The following SCAPER variants were observed in gnomAD, a reference collection of about 807,000 sequenced individuals.
The protein encoded by SCAPER is S-phase cyclin A associated protein in the ER.
SCAPER carries 98 observed loss-of-function variants against 182.2 expected under a neutral mutation model. That is an observed-to-expected ratio of 0.54 (90% CI 0.46 to 0.64). SCAPER has a LOEUF of 0.64. Among genes scored for constraint, SCAPER ranks in the 30% least tolerant of loss-of-function variants. The pLI, the probability that SCAPER is intolerant of heterozygous loss-of-function variation, is 0.00. For synonymous variants in SCAPER, 605 were observed against 564.6 expected, an observed-to-expected ratio of 1.07 and a Z score of -1.01; for missense variants, 1,432 against 1,690.0, an observed-to-expected ratio of 0.85 and a Z score of 2.68.
intron 26 of SCAPER, among the ~76,000 whole-genome samples, chr15:76,426,343 C>T (rs1417445497): frequency 2.0e-5 from 3 of 152,208 alleles, no homozygotes; most frequent in African/African-American, 7.2e-5. Context: ...TGCTGCCTTG[C>T]AGATTGATCT....
chr15:76,627,648 A>G (rs2052709728), intron 21 of SCAPER, among the ~76,000 whole-genome samples: 1 of 152,194 alleles, frequency 6.6e-6, no homozygotes, highest in African/African-American at 2.4e-5. Flanking sequence ...GCTGCATAGT[A>G]TTCCATGGTG....
chr15:76,873,268 A>G (rs1188242395), intron 2 of SCAPER, among the ~76,000 whole-genome samples: 1 of 149,772 alleles, frequency 6.7e-6, no homozygotes, highest in African/African-American at 2.5e-5. Flanking sequence ...AGAAAAAAAG[A>G]AAGGAAAAGG....
rs1598422450 is a variant in SCAPER, at chr15:76,733,259, T to C, written c.1992A>G (p.Glu664=). The change falls in exon 16 of 32, where the codon GAA becomes GAG. Residue 664 remains glutamate (E), a synonymous_variant. Coordinates refer to ENST00000563290, the MANE Select transcript of SCAPER (RefSeq NM_020843.4). ...ELQEERQRRQ[E]EKQARDEAVQ... is the part of the protein sequence containing the mutation. ...CAGCTTCATCACGTGCTTGCTTTTCTTCCTGTCTTCTCTGACGCTCTTCCT... is the reference window on the plus strand; with the variant it reads ...CAGCTTCATCACGTGCTTGCTTTTCCTCCTGTCTTCTCTGACGCTCTTCCT... The C allele has an allele frequency of 1.3e-6, 2 of 1,591,468 alleles. No homozygotes were observed. The highest frequency in any genetic ancestry group is 2.3e-5 in the East Asian group (1 of 44,136).
At chr15:76,601,895 T>C (rs140242771) in intron 22 of SCAPER, among the ~76,000 whole-genome samples, 1 of 121,524 alleles carries the variant, frequency 8.2e-6, no homozygotes, top group Non-Finnish European at 2.0e-5. Flanking sequence ...AGGAACCCCA[T>C]GTAAAGCAAA....
At chr15:76,470,146 T>C (rs755680757) in intron 25 of SCAPER, among the ~76,000 whole-genome samples, 1 of 152,166 alleles carries the variant, frequency 6.6e-6, no homozygotes. Context: ...TCAAAATTCA[T>C]TTATTCACCC....
At chr15:76,605,581 T>C (rs1457407190) in intron 22 of SCAPER, among the ~76,000 whole-genome samples, 1 of 152,214 alleles carries the variant, frequency 6.6e-6, no homozygotes, top group Non-Finnish European at 1.5e-5. Context: ...TTGATTGCAG[T>C]AGTTTCAGAA....
intron 22 of SCAPER, among the ~76,000 whole-genome samples, chr15:76,620,282 G>A (rs2051905626): frequency 6.6e-6 from 1 of 152,126 alleles, no homozygotes; most frequent in Non-Finnish European, 1.5e-5. Flanking sequence ...TGTCAGGAAT[G>A]AGTTAGCACA....
intron 21 of SCAPER, among the ~76,000 whole-genome samples, chr15:76,626,252 G>A (rs138678124): frequency 6.3e-4 from 95 of 151,976 alleles, no homozygotes; most frequent in Non-Finnish European, 1.1e-3. Context: ...TCAACCATCC[G>A]GAAGCACCTC....
chr15:76,439,591 G>C (rs140602910), intron 25 of SCAPER, among the ~76,000 whole-genome samples: 26 of 152,310 alleles, frequency 1.7e-4, no homozygotes, highest in African/African-American at 5.8e-4. Flanking sequence ...AGCAACACTT[G>C]AGTTTGAACT....
chr15:76,481,102 C>T (rs2051100555), intron 24 of SCAPER, among the ~76,000 whole-genome samples: 1 of 152,016 alleles, frequency 6.6e-6, no homozygotes. Flanking sequence ...ATTCTCAGCA[C>T]CAGAGAAATA....
intron 5 of SCAPER, among the ~76,000 whole-genome samples, chr15:76,837,515 T>A (rs909546897): frequency 6.6e-6 from 1 of 152,138 alleles, no homozygotes. Flanking sequence ...TCATGAGAAC[T>A]CACTCACTAT....
intron 16 of SCAPER, among the ~76,000 whole-genome samples, chr15:76,731,110 T>C (rs566011837): frequency 9.2e-5 from 14 of 152,296 alleles, no homozygotes; most frequent in Admixed American, 2.0e-4. Flanking sequence ...TCTAAATATC[T>C]GTTTAATAAA....
intron 23 of SCAPER, among the ~76,000 whole-genome samples, chr15:76,563,817 T>C (rs2046827411): frequency 6.6e-6 from 1 of 152,158 alleles, no homozygotes; most frequent in South Asian, 2.1e-4. Context: ...TCCACCATGA[T>C]GAAGTAGGTC....
At chr15:76,684,017 C>T (rs561437406) in intron 20 of SCAPER, among the ~76,000 whole-genome samples, 86 of 151,948 alleles carry the variant, frequency 5.7e-4, no homozygotes, top group Non-Finnish European at 8.5e-4. Flanking sequence ...CAAACAAATG[C>T]TAAGGGAATT....
At chr15:76,508,722 G>T (rs2436994) in intron 23 of SCAPER, among the ~76,000 whole-genome samples, 2 of 151,828 alleles carry the variant, frequency 1.3e-5, no homozygotes, top group Non-Finnish European at 2.9e-5. Flanking sequence ...TCTTATAATA[G>T]GGTGAAAGGC....
Position 76,705,084 on chromosome 15 carries a change from G to A in SCAPER, c.2247+819C>T, listed in dbSNP as rs575969123. ...GGACTATAAATCATGCCGCTATAAA[G>A]ACACATGCACACATATGTTTATTGC... On this transcript the variant is annotated intron_variant, in intron 18 of 31. Coordinates refer to ENST00000563290, the MANE Select transcript of SCAPER (RefSeq NM_020843.4). 1.1e-3 allele frequency among the ~76,000 whole-genome samples: 173 copies of A among 152,160 alleles called. 2 individuals are homozygous for A. Among genetic ancestry groups the A allele is most frequent in the African/African-American group, 4.0e-3 (164 of 41,512 alleles).
intron 17 of SCAPER, among the ~76,000 whole-genome samples, chr15:76,714,505 A>T (rs1031394907): frequency 6.6e-6 from 1 of 151,154 alleles, no homozygotes; most frequent in African/African-American, 2.5e-5. Flanking sequence ...CAGTGTAAAA[A>T]ATGTGATTAC....
chr15:76,801,133 T>G (rs1393686839), intron 6 of SCAPER, among the ~76,000 whole-genome samples: 1 of 152,238 alleles, frequency 6.6e-6, no homozygotes, highest in East Asian at 1.9e-4. Flanking sequence ...GAAACTGAAC[T>G]TTTTAACCAA....
intron 1 of SCAPER, among the ~76,000 whole-genome samples, chr15:76,896,429 A>G (rs2152617329): frequency 6.6e-6 from 1 of 152,334 alleles, no homozygotes; most frequent in East Asian, 1.9e-4. Flanking sequence ...CTAACCAAGA[A>G]AGACCTATAC....
Sources: allele counts gnomAD v4.1 joint callset (sites outside exome capture counted in the v4.1 genomes callset), GRCh38; gene constraint gnomAD v4.1.1; transcripts MANE v1.5; gene names NCBI Gene and HGNC (gene_info 2026-07-23, HGNC 2026-07-21).